The following GON4L variants were observed in gnomAD, a reference collection of about 807,000 sequenced individuals.
The protein encoded by GON4L is gon-4 like.
GON4L carries 87 observed loss-of-function variants against 211.8 expected under a neutral mutation model. The observed-to-expected ratio is 0.41, with a 90% CI of 0.35 to 0.49. The LOEUF (loss-of-function observed/expected upper bound fraction) is 0.49, where lower values mean the gene tolerates loss of function less well. Ranked by LOEUF, GON4L falls within the 20% of genes least tolerant of loss-of-function variation. GON4L has a pLI of 0.15. For synonymous variants in GON4L, 875 were observed against 962.6 expected, an observed-to-expected ratio of 0.91 and a Z score of 1.68; for missense variants, 2,155 against 2,659.5, an observed-to-expected ratio of 0.81 and a Z score of 4.17.
chr1:155,777,874 C>T (rs1663992645), intron 14 of GON4L, 54 bp from the exon 15 acceptor site: 2 of 1,055,356 alleles, frequency 1.9e-6, no homozygotes, highest in African/African-American at 3.1e-5. Context: ...GTCCACAACA[C>T]ATCCAATTCG....
At chr1:155,781,621 C>T (rs539485518) in intron 14 of GON4L, among the ~76,000 whole-genome samples, 3 of 151,860 alleles carry the variant, frequency 2.0e-5, no homozygotes, top group Admixed American at 2.0e-4. Context: ...TGCTACCATG[C>T]CTGGCTAATT....
Position 155,765,646 on chromosome 1 carries a change from G to A in GON4L, c.3827C>T (p.Ala1276Val). 6.2e-7 allele frequency: 1 copy of A among 1,614,192 alleles called. No individual in the cohort carries two copies. The highest frequency in any genetic ancestry group is 8.5e-7 in the Non-Finnish European group (1 of 1,180,038). The change falls in exon 21 of 32, where the codon GCA becomes GTA. Residue 1276 changes from alanine (A) to valine (V), a missense_variant. Physicochemically the swap from Ala to Val is moderately conservative, Grantham distance 64 (BLOSUM62 0). Transcript: ENST00000368331. The part of the protein sequence containing the change: ...EHSPGPPLAD[A>V]ECQEGLSENS... ...CTCTGACAATCCTTCTTGGCACTCT[G>A]CATCTGCTAGTGGAGGCCCTGGGCT...
At chr1:155,807,722 A>AC (rs1186350186) in intron 10 of GON4L, among the ~76,000 whole-genome samples, 6 of 150,184 alleles carry the variant, frequency 4.0e-5, no homozygotes, top group African/African-American at 1.5e-4. Context: ...AAAAAAAAAA[A>AC]AAAGAAAATC....
chr1:155,838,982 G>A (rs969226027), intron 2 of GON4L, among the ~76,000 whole-genome samples: 2 of 151,778 alleles, frequency 1.3e-5, no homozygotes, highest in African/African-American at 4.8e-5. Flanking sequence ...ACTGTGGAAT[G>A]GTTCTCATCT....
At chr1:155,820,814 C>G (rs1242222554) in intron 5 of GON4L, among the ~76,000 whole-genome samples, 158 bp from the exon 6 acceptor site, 1 of 152,080 alleles carries the variant, frequency 6.6e-6, no homozygotes, top group East Asian at 1.9e-4. Context: ...GACACCCTCC[C>G]TACAAAAAAA....
At chr1:155,800,623 G>A (rs550384907) in intron 11 of GON4L, among the ~76,000 whole-genome samples, 1 of 152,252 alleles carries the variant, frequency 6.6e-6, no homozygotes, top group African/African-American at 2.4e-5. Flanking sequence ...GGAGGCTGAG[G>A]CGAGTGGAAC....
chr1:155,754,545 T>C (rs1660961471), intron 27 of GON4L, 57 bp from the exon 28 acceptor site: 1 of 1,087,128 alleles, frequency 9.2e-7, no homozygotes, highest in Non-Finnish European at 1.3e-6. Flanking sequence ...TTTTTTTTTT[T>C]TTGAGACAGA....
intron 10 of GON4L, among the ~76,000 whole-genome samples, chr1:155,805,636 C>T (rs755306293): frequency 1.4e-4 from 21 of 151,852 alleles, no homozygotes; most frequent in Non-Finnish European, 1.8e-4. Context: ...TGTCTCTGGC[C>T]GCTTTCAGTT....
rs182996393 is a variant in GON4L, at chr1:155,773,230, G to T, written c.2351-20C>A. 3.7e-6 allele frequency: 6 copies of T among 1,613,544 alleles called. No individual in the cohort carries two copies. The highest frequency in any genetic ancestry group is 4.5e-5 in the East Asian group (2 of 44,872). On this transcript the variant is annotated intron_variant, in intron 17 of 31. Transcript: ENST00000368331. ...CATTCGCTATAAGAAAATAAATCTC[G>T]GATAAATCAACTTCTAGGACAAAAG...
intron 17 of GON4L, chr1:155,774,771 C>G: frequency 6.4e-6 from 4 of 626,972 alleles, no homozygotes; most frequent in Non-Finnish European, 5.7e-6. Context: ...CTCTACCTCC[C>G]ATATTCCTAT....
In GON4L at chr1:155,776,489, T is replaced by C. The variant is rs567194581; in HGVS notation, c.2092-8A>G. The C allele has an allele frequency of 1.9e-6, 3 of 1,599,892 alleles. No individual in the cohort carries two copies. The highest frequency in any genetic ancestry group is 2.2e-5 in the East Asian group (1 of 44,790). On this transcript the variant is annotated splice_polypyrimidine_tract_variant and splice_region_variant and intron_variant, in intron 15 of 31. Coordinates refer to ENST00000368331, the MANE Select transcript of GON4L (RefSeq NM_001282860.2). ...GGTCAAGAGCTGAACGTGCTGGGGA[T>C]GGAAAGAAAATGATGAAGTGACATG...
Position 155,765,306 on chromosome 1 carries a change from G to A in GON4L, c.4167C>T (p.Thr1389=). 1 of 1,614,150 alleles carries A rather than the reference G, an allele frequency of 6.2e-7. No homozygotes were observed. The highest frequency in any genetic ancestry group is 8.5e-7 in the Non-Finnish European group (1 of 1,180,018). The change falls in exon 21 of 32, where the codon ACC becomes ACT. Residue 1389 remains threonine, a synonymous_variant. Coordinates refer to ENST00000368331, the MANE Select transcript of GON4L (RefSeq NM_001282860.2). ...CAGGGGGCTCTTGAGAAGATGAAGG[G>A]GTTTTAGTTGGCTGACTCCTCTCCT... The part of the protein sequence containing the change: ...KEEERSQPTK[T]PSSSQEPPDE...
intron 2 of GON4L, chr1:155,846,610 T>C (rs1671275222): frequency 1.3e-5 from 2 of 151,542 alleles, no homozygotes; most frequent in African/African-American, 4.9e-5. Context: ...AAAAGTGATA[T>C]AAAGAGAAAA....
At chr1:155,772,162 A>T (rs529643771) in intron 18 of GON4L, among the ~76,000 whole-genome samples, 1 of 152,270 alleles carries the variant, frequency 6.6e-6, no homozygotes, top group East Asian at 1.9e-4. Context: ...TAAAAAAAAA[A>T]AATCAAATAC....
In GON4L at chr1:155,791,925, C is replaced by CATAACATA. The variant is rs1557867487; in HGVS notation, c.1747+3124_1747+3125insTATGTTAT. Among the ~76,000 whole-genome samples the CATAACATA allele has an allele frequency of 6.2e-4, 83 of 133,838 alleles. 2 individuals are homozygous for CATAACATA. Among genetic ancestry groups the CATAACATA allele is most frequent in the South Asian group, 3.0e-3 (13 of 4,372 alleles). The allele number at this position is 133,838 out of a possible 152,430, so 87.8% of individuals were successfully genotyped here. On this transcript the variant is annotated intron_variant, in intron 12 of 31. Transcript: ENST00000368331. The stretch of plus-strand genomic sequence containing the variant: ...AACATAACATAACATAACATAACAT[C>CATAACATA]ACATAACATAACATAACATAAAGAC...
intron 2 of GON4L, among the ~76,000 whole-genome samples, chr1:155,844,989 G>A (rs1345932441): frequency 6.6e-6 from 1 of 152,206 alleles, no homozygotes; most frequent in Non-Finnish European, 1.5e-5. Context: ...GGCATCAAGA[G>A]ATTTTTACTC....
chr1:155,821,948 C>G (rs1490330048), intron 4 of GON4L, among the ~76,000 whole-genome samples: 1 of 152,172 alleles, frequency 6.6e-6, no homozygotes, highest in African/African-American at 2.4e-5. Context: ...AACCAGGCAT[C>G]TTTTTAGACA....
chr1:155,791,324 A>G (rs1033730165), intron 12 of GON4L, among the ~76,000 whole-genome samples: 2 of 152,010 alleles, frequency 1.3e-5, no homozygotes, highest in African/African-American at 4.8e-5. Context: ...TTTTCTATAT[A>G]TATTTTTAAA....
At chr1:155,745,408 A>C (rs1285766149), downstream of GON4L, among the ~76,000 whole-genome samples, 5 of 152,248 alleles carry the variant, frequency 3.3e-5, no homozygotes, top group East Asian at 7.7e-4. Context: ...GGGAGGCTTT[A>C]GCGGAGCTTC....
Sources: allele counts gnomAD v4.1 joint callset (sites outside exome capture counted in the v4.1 genomes callset), GRCh38; gene constraint gnomAD v4.1.1; transcripts MANE v1.5; gene names NCBI Gene and HGNC (gene_info 2026-07-23, HGNC 2026-07-21).